USP40: variants seen among roughly 807,000 people sequenced by gnomAD.
USP40 encodes the protein ubiquitin carboxyl-terminal hydrolase 40.
USP40 carries 143 observed loss-of-function variants against 166.2 expected under a neutral mutation model. That is an observed-to-expected ratio of 0.86 (90% CI 0.75 to 0.99). USP40 has a LOEUF of 0.99. Among genes scored for constraint, USP40 ranks in the 50% least tolerant of loss-of-function variants. The pLI is 0.00. For missense variants in USP40, 1,444 were observed against 1,479.7 expected (o/e 0.98, Z 0.40); for synonymous variants, 498 against 524.0 (o/e 0.95, Z 0.68).
At chr2:233,555,845 T>C (rs2071028905) in intron 5 of USP40, among the ~76,000 whole-genome samples, 1 of 151,974 alleles carries the variant, frequency 6.6e-6, no homozygotes, top group South Asian at 2.1e-4. Flanking sequence ...CCAGGCGCGG[T>C]GGCTCATGCC....
chr2:233,537,200 G>A (rs981050224), intron 10 of USP40, among the ~76,000 whole-genome samples: 2 of 152,054 alleles, frequency 1.3e-5, no homozygotes, highest in African/African-American at 4.8e-5. Flanking sequence ...GGTATTATAC[G>A]TAATCTAGTG....
chr2:233,504,977 A>T (rs1355416294), intron 21 of USP40, among the ~76,000 whole-genome samples: 1 of 152,128 alleles, frequency 6.6e-6, no homozygotes, highest in Non-Finnish European at 1.5e-5. Flanking sequence ...GTCTTAATAC[A>T]TTTAACAAGA....
At chr2:233,550,205 G>A (rs923994135) in intron 7 of USP40, among the ~76,000 whole-genome samples, 3 of 152,076 alleles carry the variant, frequency 2.0e-5, no homozygotes, top group Non-Finnish European at 4.4e-5. Flanking sequence ...ATTTTAAAAT[G>A]TCTAGTACAG....
chr2:233,514,893 CCT>C (rs2067081949), intron 18 of USP40, among the ~76,000 whole-genome samples: 1 of 152,210 alleles, frequency 6.6e-6, no homozygotes, highest in African/African-American at 2.4e-5. Flanking sequence ...CCTAAAACTC[CCT>C]GTCAATTTGC....
intron 11 of USP40, among the ~76,000 whole-genome samples, chr2:233,532,314 T>A (rs1467476132): frequency 6.6e-6 from 1 of 152,222 alleles, no homozygotes; most frequent in Non-Finnish European, 1.5e-5. Flanking sequence ...TAGCCTCTGA[T>A]TGGTTGCTTT....
chr2:233,498,864 T>A (rs1266281082), intron 22 of USP40, among the ~76,000 whole-genome samples: 2 of 152,212 alleles, frequency 1.3e-5, no homozygotes, highest in East Asian at 3.8e-4. Flanking sequence ...ATTTTTTTCA[T>A]TCATTTTACA....
chr2:233,532,040 C>T (rs984918553), intron 11 of USP40, among the ~76,000 whole-genome samples: 11 of 152,184 alleles, frequency 7.2e-5, no homozygotes, highest in East Asian at 1.9e-4. Context: ...CTTTTCTGCG[C>T]ACACATAGGA....
chr2:233,548,476 G>C (rs1349997847), intron 8 of USP40, among the ~76,000 whole-genome samples: 1 of 152,108 alleles, frequency 6.6e-6, no homozygotes, highest in Non-Finnish European at 1.5e-5. Flanking sequence ...TAGGAATTGT[G>C]CTGTCTCTTT....
chr2:233,529,738 A>G (rs1315512452), intron 11 of USP40, among the ~76,000 whole-genome samples: 1 of 151,240 alleles, frequency 6.6e-6, no homozygotes, highest in Non-Finnish European at 1.5e-5. Context: ...GAAGAATTCC[A>G]TTTTTTCAAC....
chr2:233,488,319 A>C lies in USP40; in HGVS notation c.3132-15T>G, dbSNP rs2065080838. ...GTTTATATTCCCTGATAATAAGTGA[A>C]ACAAGATAATATTGAGTGACATAAC... On this transcript the variant is annotated splice_polypyrimidine_tract_variant and intron_variant, in intron 27 of 31. Transcript: ENST00000678225. 1 of 1,578,944 alleles carries C rather than the reference A, an allele frequency of 6.3e-7. No individual in the cohort carries two copies. Among genetic ancestry groups the C allele is most frequent in the Non-Finnish European group, 8.6e-7 (1 of 1,158,846 alleles).
intron 10 of USP40, among the ~76,000 whole-genome samples, chr2:233,538,590 T>C (rs536924756): frequency 6.6e-6 from 1 of 152,302 alleles, no homozygotes; most frequent in African/African-American, 2.4e-5. Context: ...AATGAACAAA[T>C]TCCTTAAAAA....
chr2:233,523,176 T>C lies in USP40; in HGVS notation c.2195A>G (p.Asp732Gly), dbSNP rs2067777359. 1.2e-6 allele frequency: 2 copies of C among 1,606,534 alleles called. No homozygotes were observed. The highest frequency in any genetic ancestry group is 1.3e-5 in the African/African-American group (1 of 74,862). ...SSILIQDSHD[D>G]NSLLTKEEKW... ...TCTCTTGTTAGCGAGTTACCTGTTA[T>C]CATCATGAGAATCCTGAATTAAAAT... The change falls in exon 16 of 32, where the codon GAT (aspartate) becomes GGT (glycine). Residue 732 changes from aspartate (D) to glycine (G), a missense_variant. By Grantham distance (94) the Asp-to-Gly change is moderately conservative (BLOSUM62 -1). Transcript: ENST00000678225.
intron 25 of USP40, among the ~76,000 whole-genome samples, chr2:233,492,388 CAT>C (rs760534596): frequency 1.8e-4 from 28 of 152,310 alleles, no homozygotes; most frequent in African/African-American, 3.8e-4. Flanking sequence ...TTAAGTGACA[CAT>C]GAGTGCATTT....
chr2:233,525,639 A>T (rs1347174336), intron 13 of USP40, 77 bp from the exon 14 acceptor site: 14 of 1,062,762 alleles, frequency 1.3e-5, no homozygotes, highest in Non-Finnish European at 1.8e-5. Context: ...TACTGTGCCA[A>T]CTCACATATG....
chr2:233,521,826 G>A (rs1321404383), intron 16 of USP40, among the ~76,000 whole-genome samples: 1 of 152,158 alleles, frequency 6.6e-6, no homozygotes, highest in African/African-American at 2.4e-5. Flanking sequence ...AGCACAAGAT[G>A]CTCCATGAAG....
At chr2:233,549,338 T>C in intron 7 of USP40, 109 bp from the exon 8 acceptor site, 1 of 757,776 alleles carries the variant, frequency 1.3e-6, no homozygotes, top group Non-Finnish European at 2.0e-6. Flanking sequence ...CTTCACTGTT[T>C]GTTATTTAAG....
chr2:233,554,349 AC>A, intron 6 of USP40, 30 bp downstream of exon 6: 1 of 1,576,252 alleles, frequency 6.3e-7, no homozygotes, highest in African/African-American at 1.4e-5. Context: ...CAAAGTGGGG[AC>A]CCTGGGAAAA....
chr2:233,499,644 C>T (rs551081877), intron 22 of USP40, among the ~76,000 whole-genome samples: 7 of 152,274 alleles, frequency 4.6e-5, no homozygotes, highest in Admixed American at 4.6e-4. Context: ...AACATTCCTA[C>T]TTTGTACCTT....
At chr2:233,504,704 T>C (rs751310922) in intron 21 of USP40, among the ~76,000 whole-genome samples, 44 of 151,958 alleles carry the variant, frequency 2.9e-4, no homozygotes, top group Middle Eastern at 3.4e-3. Context: ...CACCCAAATA[T>C]ATAAAGCTAA....
Sources: gnomAD v4.1 joint callset for allele counts (sites outside exome capture counted in the v4.1 genomes callset) on GRCh38, gnomAD v4.1.1 for gene constraint, MANE v1.5 for transcripts, NCBI Gene and HGNC (gene_info 2026-07-23, HGNC 2026-07-21) for gene names.